RALGPS2: variants seen among roughly 807,000 people sequenced by gnomAD.
RALGPS2 encodes the protein ras-specific guanine nucleotide-releasing factor RalGPS2.
RALGPS2 carries 43 observed loss-of-function variants against 86.8 expected under a neutral mutation model. The ratio of observed to expected loss-of-function variants is 0.50; its 90% CI spans 0.39 to 0.64. The LOEUF (loss-of-function observed/expected upper bound fraction) is 0.64. RALGPS2 is among the 30% of genes least tolerant of loss of function. The probability of loss-of-function intolerance (pLI) is 0.00; values close to 1 mark genes in which losing one functional copy is unlikely to be tolerated. For synonymous variants in RALGPS2, 243 were observed against 231.3 expected (o/e 1.05, Z -0.46); for missense variants, 536 against 694.6 (o/e 0.77, Z 2.57).
At chr1:178,773,612 C>T (rs572471863) in intron 1 of RALGPS2, among the ~76,000 whole-genome samples, 5 of 151,960 alleles carry the variant, frequency 3.3e-5, no homozygotes, top group Admixed American at 1.3e-4. Flanking sequence ...CTGGCTAACA[C>T]GGTGAAACCC....
chr1:178,731,271 G>GTTTTTTT (rs1491268143), intron 1 of RALGPS2, among the ~76,000 whole-genome samples: 2 of 69,380 alleles, frequency 2.9e-5, no homozygotes, highest in African/African-American at 5.2e-5. Flanking sequence ...TAGTTGTTTT[G>GTTTTTTT]GTTTTTTTTT....
chr1:178,850,921 T>C (rs1657131659), intron 8 of RALGPS2: 2 of 407,062 alleles, frequency 4.9e-6, no homozygotes, highest in African/African-American at 2.1e-5. Context: ...TTAAAATAAC[T>C]AGGTTGTGGA....
At chr1:178,725,563 C>A in intron 1 of RALGPS2, 144 bp downstream of exon 1, 1 of 151,766 alleles carries the variant, frequency 6.6e-6, no homozygotes, top group South Asian at 2.0e-4. Context: ...GGCTGCTCGC[C>A]CTGCGCGCAG....
chr1:178,860,812 A>T (rs769141012), intron 8 of RALGPS2, among the ~76,000 whole-genome samples: 2 of 152,144 alleles, frequency 1.3e-5, no homozygotes, highest in Non-Finnish European at 2.9e-5. Context: ...CAGTAATAGG[A>T]ATTTCTTGGT....
intron 1 of RALGPS2, among the ~76,000 whole-genome samples, chr1:178,738,203 C>CTTTTTTTT (rs1051296802): frequency 1.6e-4 from 18 of 110,714 alleles, no homozygotes; most frequent in South Asian, 3.1e-4. Context: ...AGATGGATAT[C>CTTTTTTTT]TTTTTTTTTT....
At position 178,770,931 on chromosome 1, in the gene RALGPS2, C is replaced by T. The variant is rs150841472; in HGVS notation, c.-83-5751C>T. ...TCGGTTCACTGCAACCTCCCCGTCG[C>T]GGGATCAAGCTATTCTCCTGCCTCA... On this transcript the variant is annotated intron_variant, in intron 1 of 19. Transcript: ENST00000367635. 6.2e-3 allele frequency among the ~76,000 whole-genome samples: 930 copies of T among 151,024 alleles called. 9 individuals are homozygous for T. Among genetic ancestry groups the T allele is most frequent in the African/African-American group, 0.021 (877 of 41,054 alleles).
intron 9 of RALGPS2, 51 bp from the exon 10 acceptor site, chr1:178,878,851 T>G: frequency 6.3e-7 from 1 of 1,586,818 alleles, no homozygotes. Context: ...ATTTTTAAAG[T>G]TCTGGTTAAG....
chr1:178,911,199 A>C (rs1260645573), intron 19 of RALGPS2, among the ~76,000 whole-genome samples: 3 of 152,110 alleles, frequency 2.0e-5, no homozygotes, highest in Non-Finnish European at 4.4e-5. Context: ...TCTTTCAAAG[A>C]ACCAACTTTT....
At chr1:178,810,329 G>A (rs1330994084) in intron 5 of RALGPS2, among the ~76,000 whole-genome samples, 1 of 152,144 alleles carries the variant, frequency 6.6e-6, no homozygotes, top group African/African-American at 2.4e-5. Context: ...AGAGGTTGCA[G>A]TTAGCCGAGA....
chr1:178,774,797 G>A (rs187375407), intron 1 of RALGPS2, among the ~76,000 whole-genome samples: 3 of 152,260 alleles, frequency 2.0e-5, no homozygotes, highest in Admixed American at 1.3e-4. Context: ...ACGATGTTCT[G>A]CTCTTAGCAG....
chr1:178,889,592 C>G, intron 13 of RALGPS2, 50 bp from the exon 14 acceptor site: 1 of 1,215,694 alleles, frequency 8.2e-7, no homozygotes. Context: ...GAAATGCAAA[C>G]TAGAGAGGTA....
intron 1 of RALGPS2, among the ~76,000 whole-genome samples, chr1:178,749,329 A>G (rs1306551318): frequency 6.6e-6 from 1 of 152,104 alleles, no homozygotes; most frequent in African/African-American, 2.4e-5. Context: ...TTTACTAAAA[A>G]TACAAAAATC....
chr1:178,832,344 A>G (rs1052698669), intron 7 of RALGPS2, among the ~76,000 whole-genome samples: 37 of 152,322 alleles, frequency 2.4e-4, no homozygotes, highest in African/African-American at 7.7e-4. Context: ...GAGCCTCTGA[A>G]CAATAGATCC....
chr1:178,757,827 C>G (rs1297750974), intron 1 of RALGPS2, among the ~76,000 whole-genome samples: 1 of 152,022 alleles, frequency 6.6e-6, no homozygotes, highest in Non-Finnish European at 1.5e-5. Flanking sequence ...GGGAGGAGTC[C>G]CCCCTCCTTG....
chr1:178,882,528 C>T (rs1299023627), intron 10 of RALGPS2, among the ~76,000 whole-genome samples: 1 of 152,088 alleles, frequency 6.6e-6, no homozygotes, highest in Non-Finnish European at 1.5e-5. Context: ...TAATTAATAA[C>T]CTACAGTAGA....
chr1:178,878,143 T>C (rs1374686902), intron 9 of RALGPS2, among the ~76,000 whole-genome samples: 1 of 152,128 alleles, frequency 6.6e-6, no homozygotes, highest in African/African-American at 2.4e-5. Flanking sequence ...ATCGAGTAAA[T>C]AGCCAGTTTT....
chr1:178,763,651 T>C lies in RALGPS2; in HGVS notation c.-83-13031T>C, dbSNP rs548930468. Among the ~76,000 whole-genome samples the C allele has an allele frequency of 2.0e-5, 3 of 152,326 alleles. 1 individual carries two copies. The South Asian group carries it at 6.2e-4, about 32-fold the overall frequency. On this transcript the variant is annotated intron_variant, in intron 1 of 19. Coordinates refer to ENST00000367635, the MANE Select transcript of RALGPS2 (RefSeq NM_152663.5). ...TTTTTGCTTTGGCTCTCAGTTTGGA[T>C]GTTGGTGTATAGGAGTGCTACTGAT...
intron 4 of RALGPS2, among the ~76,000 whole-genome samples, chr1:178,802,353 A>G (rs2102175941): frequency 6.6e-6 from 1 of 152,294 alleles, no homozygotes; most frequent in East Asian, 1.9e-4. Flanking sequence ...CATATCAAGC[A>G]ATGCAACTTG....
At chr1:178,897,958 A>G (rs1279941303) in intron 17 of RALGPS2, among the ~76,000 whole-genome samples, 2 of 152,000 alleles carry the variant, frequency 1.3e-5, no homozygotes, top group Admixed American at 1.3e-4. Flanking sequence ...ACGCTTATCT[A>G]TTTTGACATC....
Sources: gnomAD v4.1 joint callset for allele counts (sites outside exome capture counted in the v4.1 genomes callset) on GRCh38, gnomAD v4.1.1 for gene constraint, MANE v1.5 for transcripts, NCBI Gene and HGNC (gene_info 2026-07-23, HGNC 2026-07-21) for gene names.